The following SOX13 variants were observed in gnomAD, a reference collection of about 807,000 sequenced individuals.
SOX13 encodes SRY-box transcription factor 13.
In SOX13, 28 loss-of-function variants were observed where a neutral mutation model predicts 71.8. The observed-to-expected ratio is 0.39, with a 90% CI of 0.29 to 0.53. The LOEUF is 0.53. Ranked by LOEUF, SOX13 falls within the 20% of genes least tolerant of loss-of-function variation. The probability of loss-of-function intolerance (pLI) is 0.70; values close to 1 mark genes in which losing one functional copy is unlikely to be tolerated. For synonymous variants in SOX13, 309 were observed against 317.8 expected (o/e 0.97, Z 0.29); for missense variants, 627 against 810.3 (o/e 0.77, Z 2.75).
intron 2 of SOX13, 36 bp downstream of exon 2, chr1:204,113,170 A>AGGTACAGCGCATGGGTG: frequency 6.8e-7 from 1 of 1,462,382 alleles, no homozygotes; most frequent in Non-Finnish European, 9.2e-7. Context: ...CCTCACACCC[A>AGGTACAGCGCATGGGTG]TGCGCTGTAC....
chr1:204,122,334 C>A lies in SOX13; in HGVS notation c.959C>A (p.Pro320His). Residue 320 changes from proline to histidine, a missense_variant, in exon 9 of 14, where the codon CCC (proline) becomes CAC (histidine). Pro to His is a moderately conservative substitution (Grantham distance 77). This residue lies in a region of SOX13 where 447 missense variants were observed against 532.2 expected (regional missense o/e 0.84). Transcript: ENST00000367204. The part of the protein sequence containing the change: ...SPSLKMSSCV[P>H]RPPSHGGPTR... The stretch of plus-strand genomic sequence containing the variant: ...AGCCTGAAGATGAGCAGCTGTGTGC[C>A]CCGCCCCCCCAGCCATGGAGGCCCC... 1 of 1,563,134 alleles carries A rather than the reference C, an allele frequency of 6.4e-7. No homozygotes were observed. Among genetic ancestry groups the A allele is most frequent in the East Asian group, 2.4e-5 (1 of 42,112 alleles).
intron 1 of SOX13, among the ~76,000 whole-genome samples, chr1:204,096,039 A>G (rs1656244194): frequency 6.6e-6 from 1 of 152,168 alleles, no homozygotes; most frequent in Non-Finnish European, 1.5e-5. Flanking sequence ...CATTGCATGT[A>G]TATATCATAC....
At chr1:204,087,218 A>G (rs1656042912) in intron 1 of SOX13, among the ~76,000 whole-genome samples, 1 of 152,184 alleles carries the variant, frequency 6.6e-6, no homozygotes, top group Admixed American at 6.5e-5. Context: ...CACCGCGCCC[A>G]GCTTTTCTCC....
At position 204,081,533 on chromosome 1, in the gene SOX13, T is replaced by TG. The variant is rs1439020660; in HGVS notation, c.-2+7827dup. 6.7e-6 allele frequency among the ~76,000 whole-genome samples: 1 copy of TG among 150,168 alleles called. No homozygotes were observed. The highest frequency in any genetic ancestry group is 1.5e-5 in the Non-Finnish European group (1 of 67,748). On this transcript the variant is annotated intron_variant, in intron 1 of 13. Transcript: ENST00000367204. This position sits in a 1 kb window ranked among gnomAD's most constrained non-coding sequence, Gnocchi z 4.3. ...CGGACCCCCTGGCGGGCTCTGGGGG[T>TG]GGGGGTTGGGGGGTTGCCTGGGACT...
chr1:204,124,348 T>A (rs892122853), intron 12 of SOX13, among the ~76,000 whole-genome samples: 26 of 152,212 alleles, frequency 1.7e-4, no homozygotes, highest in Non-Finnish European at 3.4e-4. Flanking sequence ...TGGCTGCTCT[T>A]TTGTTTATGC....
intron 1 of SOX13, among the ~76,000 whole-genome samples, chr1:204,094,680 A>G (rs1656215234): frequency 6.6e-6 from 1 of 152,208 alleles, no homozygotes; most frequent in Non-Finnish European, 1.5e-5. Context: ...GCGGGCTGCC[A>G]TCAGCTCTTC....
intron 1 of SOX13, among the ~76,000 whole-genome samples, chr1:204,099,335 G>A: frequency 6.7e-6 from 1 of 149,938 alleles, no homozygotes; most frequent in Non-Finnish European, 1.5e-5. Context: ...CATGTAAGTA[G>A]TTGATTCCTA....
chr1:204,082,938 C>T (rs1019399777), intron 1 of SOX13, among the ~76,000 whole-genome samples: 1 of 152,176 alleles, frequency 6.6e-6, no homozygotes, highest in Non-Finnish European at 1.5e-5. Context: ...ACAGTCTGTA[C>T]AACTGTACAC....
chr1:204,093,672 C>T (rs1047021115), intron 1 of SOX13, among the ~76,000 whole-genome samples: 1 of 152,204 alleles, frequency 6.6e-6, no homozygotes, highest in Admixed American at 6.5e-5. Context: ...AGCCTCTTCT[C>T]AAATATCTTG....
intron 7 of SOX13, 46 bp downstream of exon 7, chr1:204,117,753 G>A (rs769691561): frequency 7.3e-6 from 10 of 1,367,448 alleles, no homozygotes; most frequent in Non-Finnish European, 1.0e-5. Context: ...AGCCTGTCCT[G>A]AGGTCAGGGA....
At chr1:204,076,104 C>G (rs1655781677) in intron 1 of SOX13, among the ~76,000 whole-genome samples, 1 of 152,180 alleles carries the variant, frequency 6.6e-6, no homozygotes, top group African/African-American at 2.4e-5. Flanking sequence ...TCCCTCCCTT[C>G]ACAACTTTTG....
chr1:204,126,028 A>T lies in SOX13; in HGVS notation c.1763A>T (p.Asp588Val), dbSNP rs1301342592. Residue 588 changes from aspartate (D) to valine (V), a missense_variant, in exon 14 of 14, where the codon GAT becomes GTT. Physicochemically the swap from Asp to Val is radical, Grantham distance 152. Coordinates refer to ENST00000367204, the MANE Select transcript of SOX13 (RefSeq NM_005686.3). ...CSLREEGEGT[D>V]DRHSVADGEM... is the part of the protein sequence containing the mutation. ...CTCAGAGAGGAGGGTGAGGGCACAGATGACAGGCACTCGGTGGCTGATGGC... is the reference window on the plus strand; with the variant it reads ...CTCAGAGAGGAGGGTGAGGGCACAGTTGACAGGCACTCGGTGGCTGATGGC... 1.2e-6 allele frequency: 2 copies of T among 1,614,000 alleles called. No homozygotes were observed. Among genetic ancestry groups the T allele is most frequent in the Admixed American group, 3.3e-5 (2 of 60,024 alleles).
At chr1:204,092,689 G>A (rs904276966) in intron 1 of SOX13, among the ~76,000 whole-genome samples, 3 of 152,110 alleles carry the variant, frequency 2.0e-5, no homozygotes, top group Admixed American at 2.0e-4. Flanking sequence ...TCCTGGGGTG[G>A]GGACAGTCCA....
At chr1:204,083,403 C>CCAGG (rs1655949918) in intron 1 of SOX13, among the ~76,000 whole-genome samples, 1 of 152,120 alleles carries the variant, frequency 6.6e-6, no homozygotes, top group South Asian at 2.1e-4. Context: ...AACCCCTGCC[C>CCAGG]CAGGCCCTTC....
At chr1:204,085,591 A>G (rs998750700) in intron 1 of SOX13, among the ~76,000 whole-genome samples, 1 of 152,054 alleles carries the variant, frequency 6.6e-6, no homozygotes, top group South Asian at 2.1e-4. Context: ...AGGGATTTAT[A>G]AAGGACATCT....
Position 204,117,600 on chromosome 1 carries a change from A to G in SOX13, c.668A>G (p.Asn223Ser). The change falls in exon 7 of 14, where the codon AAC becomes AGC. Residue 223 changes from asparagine (N) to serine (S), a missense_variant. This residue lies in a region of SOX13 where 447 missense variants were observed against 532.2 expected (regional missense o/e 0.84). Coordinates refer to ENST00000367204, the MANE Select transcript of SOX13 (RefSeq NM_005686.3). ...GGGTTTCTTTGCCTTCAGCAGGTTA[A>G]CATGCCTTATGTCATGATCCCAGCC... is the stretch of plus-strand genomic sequence containing the variant. ...NLLQQQIQQVNMPYVMIPAFP... is the reference protein window; with the variant it reads ...NLLQQQIQQVSMPYVMIPAFP... The G allele has an allele frequency of 7.5e-6, 12 of 1,610,212 alleles. No homozygotes were observed. The highest frequency in any genetic ancestry group is 1.0e-5 in the Non-Finnish European group (12 of 1,177,662).
At chr1:204,117,475 T>A in intron 6 of SOX13, 118 bp from the exon 7 acceptor site, 1 of 706,550 alleles carries the variant, frequency 1.4e-6, no homozygotes, top group Non-Finnish European at 2.4e-6. Flanking sequence ...TGGAAAACTG[T>A]CCCTGCTTTA....
At chr1:204,079,762 A>G (rs1296458995) in intron 1 of SOX13, among the ~76,000 whole-genome samples, 1 of 151,850 alleles carries the variant, frequency 6.6e-6, no homozygotes, top group Non-Finnish European at 1.5e-5. Flanking sequence ...CTCCCTGCTC[A>G]CTCCTGGCAA....
At chr1:204,118,765 G>C (rs942098360) in intron 7 of SOX13, 1 of 152,298 alleles carries the variant, frequency 6.6e-6, no homozygotes, top group Admixed American at 6.5e-5. Context: ...TGTCAGACAA[G>C]GGTGTGGGAC....
Sources: gnomAD v4.1 joint callset for allele counts (sites outside exome capture counted in the v4.1 genomes callset) on GRCh38, gnomAD v4.1.1 for gene constraint, gnomAD v4.1.1 regional missense constraint, Gnocchi (gnomAD v3.1) non-coding constraint, MANE v1.5 for transcripts, NCBI Gene and HGNC (gene_info 2026-07-23, HGNC 2026-07-21) for gene names.